Variants in HHLA1 observed in about 807,000 individuals in gnomAD.
The protein encoded by HHLA1 is HERV-H LTR-associating protein 1.
In HHLA1, 72 loss-of-function variants were observed where a neutral mutation model predicts 69.9. The ratio of observed to expected loss-of-function variants is 1.03; its 90% CI spans 0.85 to 1.25. HHLA1 has a LOEUF of 1.25. HHLA1 is among the 50% of genes most tolerant of loss of function. HHLA1 has a pLI of 0.00. For synonymous variants in HHLA1, 252 were observed against 233.2 expected, an observed-to-expected ratio of 1.08 and a Z score of -0.73; for missense variants, 685 against 642.2, an observed-to-expected ratio of 1.07 and a Z score of -0.72.
At chr8:132,100,196 G>T in intron 3 of HHLA1, 62 bp from the exon 4 acceptor site, 1 of 1,280,664 alleles carries the variant, frequency 7.8e-7, no homozygotes, top group Non-Finnish European at 1.1e-6. Context: ...CCCCAGGAAT[G>T]GAAGAAGCCT....
intron 1 of HHLA1, among the ~76,000 whole-genome samples, chr8:132,106,555 T>C (rs1287826419): frequency 6.6e-6 from 1 of 152,216 alleles, no homozygotes. Context: ...ACAGGGTCTT[T>C]GTGAGGATTT....
At chr8:132,090,096 A>G (rs1220093425) in intron 7 of HHLA1, among the ~76,000 whole-genome samples, 1 of 152,244 alleles carries the variant, frequency 6.6e-6, no homozygotes, top group Non-Finnish European at 1.5e-5. Flanking sequence ...TTCTAAAATT[A>G]TCACCAGGAA....
intron 8 of HHLA1, among the ~76,000 whole-genome samples, chr8:132,088,372 G>A (rs970116553): frequency 7.9e-5 from 12 of 152,176 alleles, no homozygotes; most frequent in African/African-American, 2.4e-4. Flanking sequence ...AGAGCTGAAC[G>A]TTTTACCAAA....
intron 10 of HHLA1, among the ~76,000 whole-genome samples, chr8:132,082,675 G>C (rs1823777047): frequency 6.6e-6 from 1 of 152,144 alleles, no homozygotes; most frequent in Non-Finnish European, 1.5e-5. Context: ...AGCAAAGAGA[G>C]GCTGGGACGA....
intron 1 of HHLA1, among the ~76,000 whole-genome samples, chr8:132,107,554 C>T (rs1824222949): frequency 6.6e-6 from 1 of 152,146 alleles, no homozygotes; most frequent in African/African-American, 2.4e-5. Flanking sequence ...CCTGCCTCAG[C>T]CTCCCAAATT....
intron 7 of HHLA1, among the ~76,000 whole-genome samples, chr8:132,091,587 A>G (rs1156985415): frequency 6.6e-6 from 1 of 152,232 alleles, no homozygotes; most frequent in African/African-American, 2.4e-5. Context: ...ACTCAAAGAT[A>G]TTCTTTGCAT....
intron 15 of HHLA1, among the ~76,000 whole-genome samples, chr8:132,066,487 G>C (rs1237355752): frequency 6.6e-6 from 1 of 152,120 alleles, no homozygotes; most frequent in Non-Finnish European, 1.5e-5. Flanking sequence ...TTCTGTTCTT[G>C]GTCAGAGGTG....
chr8:132,100,600 A>G (rs1336889456), intron 3 of HHLA1, among the ~76,000 whole-genome samples: 1 of 152,248 alleles, frequency 6.6e-6, no homozygotes, highest in Non-Finnish European at 1.5e-5. Flanking sequence ...TTTCAAAGGC[A>G]TTCATTCGTT....
chr8:132,104,295 C>T (rs372970465), intron 2 of HHLA1, 128 bp from the exon 3 acceptor site: 55 of 646,098 alleles, frequency 8.5e-5, no homozygotes, highest in East Asian at 4.4e-4. Context: ...CATTTAGTCC[C>T]GCATCTAGTT....
chr8:132,110,930 G>A (rs866791462), intron 1 of HHLA1, among the ~76,000 whole-genome samples, 172 bp downstream of exon 1: 4 of 152,316 alleles, frequency 2.6e-5, no homozygotes, highest in Middle Eastern at 6.8e-3. Flanking sequence ...AAGGGATGGA[G>A]TCTTAGCTAA....
rs562082655 is a variant in HHLA1, at chr8:132,084,311, G to A, written c.676+3342C>T. On this transcript the variant is annotated intron_variant, in intron 10 of 16. Coordinates refer to ENST00000414222, the MANE Select transcript of HHLA1 (RefSeq NM_001145095.3). ...GAGGAGCAGCCTGGGGAGGAAGGGAGAGGTCAGATGGGTCTGTAGAAAAGG... is the reference window on the plus strand; with the variant it reads ...GAGGAGCAGCCTGGGGAGGAAGGGAAAGGTCAGATGGGTCTGTAGAAAAGG... Among the ~76,000 whole-genome samples the A allele has an allele frequency of 4.1e-3, 619 of 152,154 alleles. 2 individuals carry two copies. Among genetic ancestry groups the A allele is most frequent in the African/African-American group, 0.014 (600 of 41,514 alleles).
At chr8:132,104,239 A>G in intron 2 of HHLA1, 72 bp from the exon 3 acceptor site, 1 of 1,048,144 alleles carries the variant, frequency 9.5e-7, no homozygotes, top group African/African-American at 1.6e-5. Flanking sequence ...GATTCAACAT[A>G]CCCATTTTAC....
chr8:132,076,438 C>T (rs1563741795), intron 13 of HHLA1, 37 bp downstream of exon 13: 2 of 1,143,144 alleles, frequency 1.7e-6, no homozygotes, highest in East Asian at 2.6e-5. Flanking sequence ...TCCCATCCCC[C>T]ACCCCCAAAC....
Position 132,080,049 on chromosome 8 carries a change from A to G in HHLA1, c.677-83T>C, listed in dbSNP as rs1381467581. ...ACTGAAAGGTCACTGGACTGCAAAT[A>G]TATGAATGTGGAGATTCAAACCTTT... On this transcript the variant is annotated intron_variant, in intron 10 of 16. Transcript: ENST00000414222. The G allele has an allele frequency of 2.0e-6, 3 of 1,483,878 alleles. No individual in the cohort carries two copies. The African/African-American group carries it at 4.2e-5, about 21-fold the overall frequency. The allele number at this position is 1,483,878 out of a possible 1,614,324, so 91.9% of individuals were successfully genotyped here.
At position 132,087,758 on chromosome 8, in the gene HHLA1, C is replaced by G. The variant is rs1823887169; in HGVS notation, c.590-19G>C. 1 of 1,547,300 alleles carries G rather than the reference C, an allele frequency of 6.5e-7. No individual in the cohort carries two copies. Among genetic ancestry groups the G allele is most frequent in the Non-Finnish European group, 8.7e-7 (1 of 1,143,046 alleles). ...TTCCTTCCTGCAAAAATCACACCAA[C>G]AGGGTCAGATCTTGGGTTTCATCTG... On this transcript the variant is annotated intron_variant, in intron 9 of 16. Coordinates refer to ENST00000414222, the MANE Select transcript of HHLA1 (RefSeq NM_001145095.3).
At chr8:132,101,249 TTCTTAACA>T in intron 3 of HHLA1, 1 of 1,550,482 alleles carries the variant, frequency 6.4e-7, no homozygotes, top group Non-Finnish European at 8.7e-7. Flanking sequence ...ATCTTTTTCC[TTCTTAACA>T]TCTTTATTTC....
At chr8:132,072,362 A>G (rs1418303586) in intron 14 of HHLA1, among the ~76,000 whole-genome samples, 1 of 152,164 alleles carries the variant, frequency 6.6e-6, no homozygotes, top group Admixed American at 6.5e-5. Flanking sequence ...AAATGAGACA[A>G]TTTATATAAA....
rs559359195 is a variant in HHLA1 at position 132,067,977 on chromosome 8, G to A, written c.1470-2009C>T. ...ACTAAGCTACCTACTAGCTTTGAGG[G>A]CCTTGGCTGTATGGTCTAATCCCAT... On this transcript the variant is annotated intron_variant, in intron 15 of 16. Coordinates refer to ENST00000414222, the MANE Select transcript of HHLA1 (RefSeq NM_001145095.3). 2.6e-5 allele frequency among the ~76,000 whole-genome samples: 4 copies of A among 152,286 alleles called. No homozygotes were observed. The South Asian group carries it at 8.3e-4, about 32-fold the overall frequency.
intron 10 of HHLA1, chr8:132,085,373 G>T (rs1823842697): frequency 3.1e-6 from 1 of 322,724 alleles, no homozygotes; most frequent in Non-Finnish European, 6.1e-6. Context: ...AGTGAGGGAG[G>T]TTGGAGATGA....
Sources: allele counts gnomAD v4.1 joint callset (sites outside exome capture counted in the v4.1 genomes callset), GRCh38; gene constraint gnomAD v4.1.1; transcripts MANE v1.5; gene names NCBI Gene and HGNC (gene_info 2026-07-23, HGNC 2026-07-21).